ACSM5: variants seen among roughly 807,000 people sequenced by gnomAD.
ACSM5 encodes acyl-CoA synthetase medium chain family member 5, also known as acyl-coenzyme A synthetase ACSM5, mitochondrial.
Under a neutral mutation model 71.6 loss-of-function variants are expected in ACSM5, and 56 were observed. The ratio of observed to expected loss-of-function variants is 0.78; its 90% CI spans 0.63 to 0.98. ACSM5 has a LOEUF of 0.98. Ranked by LOEUF, ACSM5 falls within the 50% of genes least tolerant of loss-of-function variation. The probability of loss-of-function intolerance (pLI) is 0.00; values close to 1 mark genes in which losing one functional copy is unlikely to be tolerated. For missense variants in ACSM5, 723 were observed against 726.0 expected (o/e 1.00, Z 0.05); for synonymous variants, 285 against 281.5 (o/e 1.01, Z -0.12).
At chr16:20,435,844 T>C (rs1967180899) in intron 10 of ACSM5, among the ~76,000 whole-genome samples, 2 of 152,144 alleles carry the variant, frequency 1.3e-5, no homozygotes, top group African/African-American at 2.4e-5. Flanking sequence ...CAGAGTTTCA[T>C]TGTTTTTCTC....
chr16:20,439,839 T>C lies in ACSM5; in HGVS notation c.1576T>C (p.Ser526Pro). The C allele has an allele frequency of 2.5e-6, 4 of 1,610,994 alleles. No individual in the cohort carries two copies. The highest frequency in any genetic ancestry group is 2.5e-6 in the Non-Finnish European group (3 of 1,177,566). Residue 526 changes from serine to proline, a missense_variant, in exon 13 of 14, where the codon TCT becomes CCT. By Grantham distance (74) the Ser-to-Pro change is moderately conservative. Transcript: ENST00000331849. ...AFIVLTPAYS[S>P]HDPEALTREL... ...TATAGTCCTTACTCCAGCCTACTCC[T>C]CTCATGACCCAGAGGCACTAACGCG...
At chr16:20,429,830 C>G (rs766554202) in intron 8 of ACSM5, 29 bp downstream of exon 8, 3 of 1,607,254 alleles carry the variant, frequency 1.9e-6, no homozygotes, top group Middle Eastern at 2.0e-4. Context: ...AGGTCCCTAC[C>G]CCCCAGGTCC....
intron 2 of ACSM5, 115 bp from the exon 3 acceptor site, chr16:20,417,944 G>C: frequency 9.6e-7 from 1 of 1,040,716 alleles, no homozygotes; most frequent in South Asian, 1.7e-5. Context: ...ATATTGCTTT[G>C]CTTTTTGAAC....
At chr16:20,428,321 C>T (rs1967029336) in intron 7 of ACSM5, among the ~76,000 whole-genome samples, 1 of 152,296 alleles carries the variant, frequency 6.6e-6, no homozygotes, top group African/African-American at 2.4e-5. Flanking sequence ...AACTAACAAG[C>T]CCGCACCGCA....
At chr16:20,425,859 AT>A (rs1321025707) in intron 6 of ACSM5, among the ~76,000 whole-genome samples, 1 of 151,946 alleles carries the variant, frequency 6.6e-6, no homozygotes, top group African/African-American at 2.4e-5. Flanking sequence ...TTTGTTCCAC[AT>A]TTTTGCAATT....
At chr16:20,436,384 G>C (rs1237772009) in intron 10 of ACSM5, among the ~76,000 whole-genome samples, 1 of 151,022 alleles carries the variant, frequency 6.6e-6, no homozygotes, top group Non-Finnish European at 1.5e-5. Context: ...GAGTGCAGTG[G>C]TGCAATCTCA....
rs754152996 is a variant in ACSM5 at position 20,424,032 on chromosome 16, A to C, written c.884A>C (p.His295Pro). The C allele has an allele frequency of 3.1e-6, 5 of 1,614,160 alleles. No homozygotes were observed. The highest frequency in any genetic ancestry group is 3.3e-5 in the Admixed American group (2 of 60,020). The change falls in exon 6 of 14, where the codon CAT (histidine) becomes CCT (proline). Residue 295 changes from histidine (H) to proline (P), a missense_variant. Coordinates refer to ENST00000331849, the MANE Select transcript of ACSM5 (RefSeq NM_017888.3). ...CCTAATGGATCTTGCATTTTTGTGC[A>C]TGAGCTGCCCCGAGTTGATGCCAAA... ...AWPNGSCIFV[H>P]ELPRVDAKVI... is the part of the protein sequence containing the mutation.
chr16:20,431,954 A>ATAATAATAAT (rs1197146927), intron 10 of ACSM5, among the ~76,000 whole-genome samples: 15 of 143,742 alleles, frequency 1.0e-4, no homozygotes, highest in African/African-American at 3.8e-4. Context: ...CAAAAAAAAA[A>ATAATAATAAT]AATAATAATA....
At chr16:20,439,973 C>G in intron 13 of ACSM5, 54 bp downstream of exon 13, 5 of 1,604,466 alleles carry the variant, frequency 3.1e-6, no homozygotes, top group Non-Finnish European at 4.3e-6. Flanking sequence ...TGGGCACGCT[C>G]TGCCTGGGCT....
intron 7 of ACSM5, 108 bp downstream of exon 7, chr16:20,427,975 C>A: frequency 1.2e-6 from 1 of 845,088 alleles, no homozygotes; most frequent in Non-Finnish European, 2.0e-6. Flanking sequence ...CTTTCTCTGT[C>A]TCTCCCTCTA....
chr16:20,432,847 CTTTTTTTTT>C (rs56853520), intron 10 of ACSM5, among the ~76,000 whole-genome samples: 17 of 57,610 alleles, frequency 3.0e-4, no homozygotes, highest in Non-Finnish European at 4.4e-4. Context: ...CCAGATCATT[CTTTTTTTTT>C]TTTTTTTTTT....
At position 20,421,259 on chromosome 16, in the gene ACSM5, G is replaced by A. The variant is rs907072325; in HGVS notation, c.625G>A (p.Glu209Lys). The A allele has an allele frequency of 5.1e-6, 8 of 1,560,254 alleles. No homozygotes were observed. Among genetic ancestry groups the A allele is most frequent in the Middle Eastern group, 1.7e-4 (1 of 5,898 alleles). The change falls in exon 5 of 14, where the codon GAG (glutamate) becomes AAG (lysine). Residue 209 changes from glutamate (E) to lysine (K), a missense_variant and splice_region_variant. Coordinates refer to ENST00000331849, the MANE Select transcript of ACSM5 (RefSeq NM_017888.3). ...ACCTAGTGTATTTACGTTTTACAGG[G>A]AGGCTTCTACAGAGCACAACTGCAT... Reference protein sequence around the residue: ...GWLNFRELLREASTEHNCMRT... With the variant: ...GWLNFRELLRKASTEHNCMRT...
chr16:20,440,440 G>A lies in ACSM5; in HGVS notation c.*13G>A. The A allele has an allele frequency of 1.9e-6, 3 of 1,607,026 alleles. No individual in the cohort carries two copies. The highest frequency in any genetic ancestry group is 2.2e-5 in the East Asian group (1 of 44,872). ...GTGGGGGAAATGAGGTGCACCCCAG[G>A]AAGGCCCCGTAGACCTCCGAAGACT... On this transcript the variant is annotated 3_prime_UTR_variant, in exon 14 of 14. Coordinates refer to ENST00000331849, the MANE Select transcript of ACSM5 (RefSeq NM_017888.3).
At chr16:20,413,311 C>A (rs1030791820) in intron 2 of ACSM5, among the ~76,000 whole-genome samples, 19 of 152,178 alleles carry the variant, frequency 1.2e-4, no homozygotes, top group Non-Finnish European at 2.4e-4. Context: ...TAACAGCCCC[C>A]ATTTCTGGTG....
At chr16:20,424,899 A>G (rs780894464) in intron 6 of ACSM5, among the ~76,000 whole-genome samples, 4 of 152,260 alleles carry the variant, frequency 2.6e-5, no homozygotes, top group Non-Finnish European at 4.4e-5. Context: ...TTTATGGGGT[A>G]CATGAGATGT....
chr16:20,431,606 T>A (rs1349767117), intron 10 of ACSM5, among the ~76,000 whole-genome samples: 1 of 152,060 alleles, frequency 6.6e-6, no homozygotes, highest in African/African-American at 2.4e-5. Context: ...GGCAGCACTG[T>A]TGTTTTAATG....
intron 6 of ACSM5, among the ~76,000 whole-genome samples, chr16:20,424,516 A>T (rs1966939471): frequency 6.6e-6 from 1 of 151,664 alleles, no homozygotes; most frequent in Non-Finnish European, 1.5e-5. Flanking sequence ...TGGTGGCCCC[A>T]GTCAAGACAC....
chr16:20,436,118 T>TTCTCTC (rs1202705042), intron 10 of ACSM5, among the ~76,000 whole-genome samples: 2 of 93,836 alleles, frequency 2.1e-5, no homozygotes, highest in African/African-American at 9.7e-5. Context: ...CTTTTTCTCT[T>TTCTCTC]TCTTTCCTTC....
chr16:20,435,948 CTTCCTTCT>C lies in ACSM5; in HGVS notation c.1309-1092_1309-1085del, dbSNP rs774252683. On this transcript the variant is annotated intron_variant, in intron 10 of 13. Transcript: ENST00000331849. ...TTTCTTTCTTTTCTTTCCTTCCTTC[CTTCCTTCT>C]TTCCTTCTTTCTTCCTTCCTTTTTT... is the stretch of plus-strand genomic sequence containing the variant. Among the ~76,000 whole-genome samples, 263 of 149,722 alleles carry C rather than the reference CTTCCTTCT, an allele frequency of 1.8e-3. 1 individual carries two copies. Among genetic ancestry groups the C allele is most frequent in the Non-Finnish European group, 3.1e-3 (208 of 67,536 alleles).
Sources: allele counts gnomAD v4.1 joint callset (sites outside exome capture counted in the v4.1 genomes callset), GRCh38; gene constraint gnomAD v4.1.1; transcripts MANE v1.5; gene names NCBI Gene and HGNC (gene_info 2026-07-23, HGNC 2026-07-21).